The following PLCG2 variants were observed in gnomAD, a reference collection of about 807,000 sequenced individuals.
The protein encoded by PLCG2 is phospholipase C gamma 2.
In PLCG2, 69 loss-of-function variants were observed where a neutral mutation model predicts 175.6. The ratio of observed to expected loss-of-function variants is 0.39; its 90% CI spans 0.32 to 0.48. The LOEUF is 0.48. PLCG2 is among the 20% of genes least tolerant of loss of function. The probability of loss-of-function intolerance (pLI) is 0.91; values close to 1 mark genes in which losing one functional copy is unlikely to be tolerated. For missense variants in PLCG2, 1,798 were observed against 1,650.9 expected (o/e 1.09, Z -1.54); for synonymous variants, 827 against 624.0 (o/e 1.33, Z -4.85).
At chr16:81,793,923 G>A (rs1400640388) in intron 2 of PLCG2, among the ~76,000 whole-genome samples, 1 of 152,194 alleles carries the variant, frequency 6.6e-6, no homozygotes, top group Non-Finnish European at 1.5e-5. Context: ...TCTTCTTCCT[G>A]CTCTGTGTTG....
chr16:81,901,162 T>C (rs541800972), intron 14 of PLCG2, among the ~76,000 whole-genome samples: 5 of 152,316 alleles, frequency 3.3e-5, no homozygotes, highest in African/African-American at 1.2e-4. Flanking sequence ...GACAGCCCCA[T>C]GCGAGGTGCT....
At chr16:81,792,864 C>G (rs527333811) in intron 2 of PLCG2, among the ~76,000 whole-genome samples, 5 of 152,240 alleles carry the variant, frequency 3.3e-5, no homozygotes, top group Non-Finnish European at 5.9e-5. Flanking sequence ...GAGAGCCAGA[C>G]CATATCAGCC....
At chr16:81,903,980 A>C (rs1473773955) in intron 14 of PLCG2, among the ~76,000 whole-genome samples, 3 of 152,206 alleles carry the variant, frequency 2.0e-5, no homozygotes, top group African/African-American at 7.2e-5. Flanking sequence ...GTATCTTCTT[A>C]TTCAGTCTTG....
chr16:81,862,069 CA>C (rs1317444805), intron 5 of PLCG2, among the ~76,000 whole-genome samples: 1 of 152,206 alleles, frequency 6.6e-6, no homozygotes, highest in Non-Finnish European at 1.5e-5. Context: ...GGGAGCTTTG[CA>C]AAAGAAACTT....
At chr16:81,746,677 G>T (rs1297200163) in intron 1 of PLCG2, among the ~76,000 whole-genome samples, 2 of 152,152 alleles carry the variant, frequency 1.3e-5, no homozygotes, top group Admixed American at 6.5e-5. Context: ...TTATTTCTCC[G>T]TCGAACTTGA....
chr16:81,893,110 C>T (rs1486684568), intron 11 of PLCG2, among the ~76,000 whole-genome samples: 1 of 152,184 alleles, frequency 6.6e-6, no homozygotes, highest in African/African-American at 2.4e-5. Context: ...CTGCCCGCCT[C>T]AGCCTGCCAA....
At chr16:81,818,942 T>C (rs1240627304) in intron 2 of PLCG2, among the ~76,000 whole-genome samples, 3 of 133,974 alleles carry the variant, frequency 2.2e-5, no homozygotes, top group African/African-American at 5.8e-5. Flanking sequence ...CAAAAATAAA[T>C]ACAGCTTTTT....
intron 2 of PLCG2, among the ~76,000 whole-genome samples, chr16:81,820,390 T>C (rs1904741701): frequency 6.6e-6 from 1 of 152,016 alleles, no homozygotes; most frequent in African/African-American, 2.4e-5. Flanking sequence ...TTTTCCTTGG[T>C]TTTAGAATTT....
chr16:81,854,718 G>A (rs1906596294), intron 3 of PLCG2, 131 bp downstream of exon 3: 3 of 794,242 alleles, frequency 3.8e-6, no homozygotes, highest in African/African-American at 1.7e-5. Context: ...TTGAATCCCA[G>A]CCCTGCCCCT....
chr16:81,879,312 C>G (rs1165368247), intron 7 of PLCG2, among the ~76,000 whole-genome samples: 2 of 152,170 alleles, frequency 1.3e-5, no homozygotes, highest in Non-Finnish European at 1.5e-5. Flanking sequence ...GCAACATGCC[C>G]TGTCTAAAAT....
chr16:81,760,780 A>T (rs1490643503), intron 2 of PLCG2, among the ~76,000 whole-genome samples: 1 of 150,650 alleles, frequency 6.6e-6, no homozygotes, highest in Non-Finnish European at 1.5e-5. Context: ...AATAATAATA[A>T]TTAGCTGAGC....
rs766609754 is a variant in PLCG2, at chr16:81,805,767, G to GTTTTTTTTTTTTT, written c.193+19588_193+19600dup. ...AGCCATGAGAGTAGTGTTTTGTTTT[G>GTTTTTTTTTTTTT]TTTTTTTTTTTTTTTGTTTTTTTTT... On this transcript the variant is annotated intron_variant, in intron 2 of 32. Coordinates refer to ENST00000564138, the MANE Select transcript of PLCG2 (RefSeq NM_002661.5). Among the ~76,000 whole-genome samples the GTTTTTTTTTTTTT allele has an allele frequency of 6.3e-4, 25 of 39,502 alleles. 2 individuals carry two copies. Among genetic ancestry groups the GTTTTTTTTTTTTT allele is most frequent in the African/African-American group, 1.2e-3 (10 of 8,174 alleles). The allele number at this position is 39,502 out of a possible 152,430, so 25.9% of individuals were successfully genotyped here.
intron 10 of PLCG2, among the ~76,000 whole-genome samples, chr16:81,889,876 G>A (rs945981427): frequency 1.3e-5 from 2 of 152,010 alleles, no homozygotes; most frequent in Admixed American, 1.3e-4. Flanking sequence ...GGCTGGTGTC[G>A]ACTTCCTGAC....
At chr16:81,797,990 C>G (rs1474929655) in intron 2 of PLCG2, among the ~76,000 whole-genome samples, 1 of 152,084 alleles carries the variant, frequency 6.6e-6, no homozygotes, top group African/African-American at 2.4e-5. Context: ...TCCACCTCAC[C>G]TGGCTAATTT....
At chr16:81,749,119 G>A (rs868314486) in intron 1 of PLCG2, among the ~76,000 whole-genome samples, 2 of 152,074 alleles carry the variant, frequency 1.3e-5, no homozygotes, top group Admixed American at 6.6e-5. Context: ...CTAGGATGCC[G>A]GGCAGCCAAA....
At chr16:81,771,065 A>AT (rs1475921853) in intron 2 of PLCG2, among the ~76,000 whole-genome samples, 2,651 of 59,652 alleles carry the variant, frequency 0.044, 68 homozygotes, top group African/African-American at 0.078. Flanking sequence ...CTCAAAAAAA[A>AT]AAAAAAATAA....
At chr16:81,937,988 C>A (rs1910787093) in intron 28 of PLCG2, 85 bp downstream of exon 28, 1 of 1,294,842 alleles carries the variant, frequency 7.7e-7, no homozygotes, top group Non-Finnish European at 1.1e-6. Flanking sequence ...GCAGGGAACC[C>A]ATGTCTAGGG....
At chr16:81,890,699 G>T (rs746820222) in intron 10 of PLCG2, among the ~76,000 whole-genome samples, 2 of 152,172 alleles carry the variant, frequency 1.3e-5, no homozygotes, top group Non-Finnish European at 2.9e-5. Flanking sequence ...ATATGAGGTC[G>T]TTCTCACGCA....
chr16:81,807,983 G>C lies in PLCG2; in HGVS notation c.193+21801G>C, dbSNP rs539095046. 3.3e-5 allele frequency among the ~76,000 whole-genome samples: 5 copies of C among 152,362 alleles called. No homozygotes were observed. In the South Asian group the frequency reaches 1.0e-3, roughly 32 times the overall value. On this transcript the variant is annotated intron_variant, in intron 2 of 32. Coordinates refer to ENST00000564138, the MANE Select transcript of PLCG2 (RefSeq NM_002661.5). ...CCCATGATCCAGTCACCTTCCACCA[G>C]ACCCCACCTCCAGTACTGAGGGTTA...
Sources: allele counts gnomAD v4.1 joint callset (sites outside exome capture counted in the v4.1 genomes callset), GRCh38; gene constraint gnomAD v4.1.1; transcripts MANE v1.5; gene names NCBI Gene and HGNC (gene_info 2026-07-23, HGNC 2026-07-21).